Variants in DLC1 observed in about 807,000 individuals in gnomAD.
The protein encoded by DLC1 is DLC1 Rho GTPase activating protein, also known as rho GTPase-activating protein 7.
Under a neutral mutation model 140.3 loss-of-function variants are expected in DLC1, and 54 were observed. The observed-to-expected ratio is 0.38, with a 90% confidence interval of 0.31 to 0.48. The LOEUF (loss-of-function observed/expected upper bound fraction) is 0.48, where lower values mean the gene tolerates loss of function less well. Among genes scored for constraint, DLC1 ranks in the 20% least tolerant of loss-of-function variants. The pLI is 0.96. For synonymous variants in DLC1, 986 were observed against 728.1 expected (o/e 1.35, Z -5.70); for missense variants, 2,536 against 1,907.0 (o/e 1.33, Z -6.14).
At chr8:13,584,006 G>C (rs146990395) in intron 1 of DLC1, 5 of 152,396 alleles carry the variant, frequency 3.3e-5, no homozygotes, top group Non-Finnish European at 5.9e-5. Flanking sequence ...TGCTGTTCTG[G>C]TTGGATTTCT....
chr8:13,133,059 C>G (rs1822256945), intron 5 of DLC1: 35 of 1,559,228 alleles, frequency 2.2e-5, no homozygotes, highest in Non-Finnish European at 3.0e-5. Context: ...CGTCGGGACC[C>G]ACGGCGGCAC....
At chr8:13,175,428 A>C (rs1825707009) in intron 5 of DLC1, among the ~76,000 whole-genome samples, 1 of 151,926 alleles carries the variant, frequency 6.6e-6, no homozygotes, top group South Asian at 2.1e-4. Flanking sequence ...TAGAAATAGC[A>C]CTGAATCTGA....
chr8:13,488,915 C>G (rs11984533), intron 2 of DLC1, among the ~76,000 whole-genome samples: 2 of 151,968 alleles, frequency 1.3e-5, no homozygotes, highest in African/African-American at 4.8e-5. Flanking sequence ...ATTTAGCCAA[C>G]GAATGCATAT....
At chr8:13,535,259 G>A (rs1465980728) in intron 1 of DLC1, among the ~76,000 whole-genome samples, 1 of 151,388 alleles carries the variant, frequency 6.6e-6, no homozygotes, top group East Asian at 2.0e-4. Context: ...GAGTGTGTGT[G>A]CTATTTTTCA....
intron 4 of DLC1, among the ~76,000 whole-genome samples, chr8:13,338,160 G>A (rs1833884906): frequency 6.6e-6 from 1 of 152,102 alleles, no homozygotes; most frequent in South Asian, 2.1e-4. Flanking sequence ...ACCTTAGATG[G>A]GACACTTGGT....
intron 4 of DLC1, chr8:13,342,626 C>T (rs1313210221): frequency 6.6e-6 from 1 of 152,106 alleles, no homozygotes; most frequent in Non-Finnish European, 1.5e-5. Context: ...CTTGGAAATT[C>T]AAGGAATTGG....
intron 5 of DLC1, among the ~76,000 whole-genome samples, chr8:13,294,227 T>C (rs1431864280): frequency 6.6e-6 from 1 of 152,222 alleles, no homozygotes; most frequent in African/African-American, 2.4e-5. Flanking sequence ...TGCTGTGAAC[T>C]TAAAATTGCT....
At chr8:13,196,001 G>A (rs865894028) in intron 5 of DLC1, among the ~76,000 whole-genome samples, 2 of 151,702 alleles carry the variant, frequency 1.3e-5, no homozygotes, top group African/African-American at 4.8e-5. Context: ...TAAGAATGAA[G>A]GATCATTCTA....
chr8:13,343,825 C>G (rs17091906), intron 4 of DLC1, among the ~76,000 whole-genome samples: 9,428 of 152,190 alleles, frequency 0.062, 674 homozygotes, highest in African/African-American at 0.18. Flanking sequence ...TCACAGTTGG[C>G]ACCTTTTCTG....
intron 1 of DLC1, among the ~76,000 whole-genome samples, chr8:13,503,045 G>A (rs1801889842): frequency 6.6e-6 from 1 of 152,150 alleles, no homozygotes. Context: ...CATTGTTTGG[G>A]TTAATTTTGT....
intron 5 of DLC1, among the ~76,000 whole-genome samples, chr8:13,199,563 C>T (rs889767190): frequency 6.6e-6 from 1 of 152,088 alleles, no homozygotes; most frequent in Non-Finnish European, 1.5e-5. Flanking sequence ...ACTTAGTGTT[C>T]CCTTCTGTCT....
chr8:13,540,924 G>T (rs900652782), intron 1 of DLC1, among the ~76,000 whole-genome samples: 1 of 152,166 alleles, frequency 6.6e-6, no homozygotes, highest in Non-Finnish European at 1.5e-5. Flanking sequence ...ATAAATGCAG[G>T]TTCTTGACTG....
chr8:13,458,908 T>G (rs891767805), intron 2 of DLC1, among the ~76,000 whole-genome samples: 8 of 152,208 alleles, frequency 5.3e-5, no homozygotes, highest in Non-Finnish European at 2.9e-5. Context: ...AAATTAGTTA[T>G]GCACAATAGC....
chr8:13,493,896 T>C (rs1022327591), intron 2 of DLC1, among the ~76,000 whole-genome samples: 1 of 152,022 alleles, frequency 6.6e-6, no homozygotes, highest in East Asian at 1.9e-4. Flanking sequence ...GGTATGGGAG[T>C]CCTTTTACCA....
At position 13,500,196 on chromosome 8, in the gene DLC1, C is replaced by A; in HGVS notation, c.-125G>T. The stretch of plus-strand genomic sequence containing the variant: ...GCGAATGAGTTCTGTCATTTCACCA[C>A]CTATTAAAAAATTCAAAAAAATATG... On this transcript the variant is annotated splice_region_variant and 5_prime_UTR_variant, in exon 2 of 18. Transcript: ENST00000276297. 1 of 863,686 alleles carries A rather than the reference C, an allele frequency of 1.2e-6. No individual in the cohort carries two copies. The highest frequency in any genetic ancestry group is 2.1e-5 in the South Asian group (1 of 46,900). The allele number at this position is 863,686 out of a possible 1,614,324, so 53.5% of individuals were successfully genotyped here.
chr8:13,216,451 G>C lies in DLC1; in HGVS notation c.1348+88818C>G, dbSNP rs1157270561. On this transcript the variant is annotated intron_variant, in intron 5 of 17. Coordinates refer to ENST00000276297, the MANE Select transcript of DLC1 (RefSeq NM_182643.3). Reference sequence around the variant, plus strand: ...CCTTTCATGACACACTCTACTCCAAGGGGCTCAAGTCCATTTCTAGTTCCA... The same window carrying C: ...CCTTTCATGACACACTCTACTCCAACGGGCTCAAGTCCATTTCTAGTTCCA... 2.6e-5 allele frequency among the ~76,000 whole-genome samples: 4 copies of C among 151,988 alleles called. No homozygotes were observed. The South Asian group carries it at 8.3e-4, about 32-fold the overall frequency.
intron 4 of DLC1, among the ~76,000 whole-genome samples, chr8:13,354,417 G>C (rs1180737042): frequency 6.6e-6 from 1 of 152,106 alleles, no homozygotes; most frequent in East Asian, 1.9e-4. Flanking sequence ...CTAACAGTGT[G>C]TGTGTGGCAA....
intron 4 of DLC1, among the ~76,000 whole-genome samples, chr8:13,377,489 G>A (rs1316913794): frequency 3.3e-5 from 5 of 152,086 alleles, no homozygotes; most frequent in Non-Finnish European, 7.4e-5. Context: ...TTCAAGGTGA[G>A]TAACCTTGAA....
chr8:13,591,751 T>C (rs200029959), intron 1 of DLC1, among the ~76,000 whole-genome samples: 1 of 152,204 alleles, frequency 6.6e-6, no homozygotes, highest in South Asian at 2.1e-4. Context: ...ACAGAATTCA[T>C]GGATATGTCA....
Sources: allele counts gnomAD v4.1 joint callset (sites outside exome capture counted in the v4.1 genomes callset), GRCh38; gene constraint gnomAD v4.1.1; transcripts MANE v1.5; gene names NCBI Gene and HGNC (gene_info 2026-07-23, HGNC 2026-07-21).